PSMA6: variants seen among roughly 807,000 people sequenced by gnomAD.
The protein encoded by PSMA6 is proteasome 20S subunit alpha 6.
For missense variants in PSMA6, 170 were observed against 294.8 expected (o/e 0.58, Z 3.10); for synonymous variants, 88 against 97.7 (o/e 0.90, Z 0.59).
chr14:35,286,047 A>G (rs1308995546), intron 1 of PSMA6, among the ~76,000 whole-genome samples: 1 of 152,218 alleles, frequency 6.6e-6, no homozygotes, highest in African/African-American at 2.4e-5. Context: ...CCTTTCACAA[A>G]GAAGCTGAGT....
intron 1 of PSMA6, among the ~76,000 whole-genome samples, chr14:35,297,190 C>A (rs1245030681): frequency 7.6e-6 from 1 of 131,198 alleles, no homozygotes; most frequent in Non-Finnish European, 1.6e-5. Flanking sequence ...TTTCTTTGTC[C>A]CAGTAGAACA....
upstream of PSMA6, chr14:35,292,321 G>T (rs1003972442): frequency 2.0e-6 from 3 of 1,466,006 alleles, no homozygotes; most frequent in African/African-American, 1.4e-5. Flanking sequence ...CTCAGTGCTC[G>T]AACTGGCTCC....
At chr14:35,290,474 T>C (rs1047077999), upstream of PSMA6, among the ~76,000 whole-genome samples, 7 of 152,332 alleles carry the variant, frequency 4.6e-5, no homozygotes, top group African/African-American at 9.6e-5. Flanking sequence ...GCTGTATGCA[T>C]TTACCGTTTT....
At chr14:35,307,831 G>A (rs2051859446) in intron 1 of PSMA6, among the ~76,000 whole-genome samples, 163 bp from the exon 2 acceptor site, 2 of 152,182 alleles carry the variant, frequency 1.3e-5, no homozygotes, top group Admixed American at 1.3e-4. Context: ...GTTTAACTGT[G>A]ACTTGTGGTC....
intron 1 of PSMA6, chr14:35,293,066 C>T (rs1165036114): frequency 2.2e-6 from 1 of 454,500 alleles, no homozygotes; most frequent in East Asian, 7.0e-5. Context: ...TACTGAAGCT[C>T]ACAGCTTAGA....
At chr14:35,299,059 CT>C (rs1233465363) in intron 1 of PSMA6, among the ~76,000 whole-genome samples, 1 of 151,760 alleles carries the variant, frequency 6.6e-6, no homozygotes, top group Admixed American at 6.6e-5. Context: ...CAGGGTCTCA[CT>C]CTGTCGCCCA....
At chr14:35,296,878 A>C (rs767961386) in intron 1 of PSMA6, among the ~76,000 whole-genome samples, 3 of 152,166 alleles carry the variant, frequency 2.0e-5, no homozygotes, top group Non-Finnish European at 4.4e-5. Context: ...ACATAAATAC[A>C]TATATAACTA....
chr14:35,278,766 A>G, intron 1 of PSMA6: 1 of 1,519,460 alleles, frequency 6.6e-7, no homozygotes, highest in Non-Finnish European at 8.8e-7. Context: ...TATATTACTG[A>G]TTCTTTGAAA....
intron 1 of PSMA6, among the ~76,000 whole-genome samples, chr14:35,307,592 G>C (rs1356586521): frequency 6.6e-6 from 1 of 152,116 alleles, no homozygotes; most frequent in Non-Finnish European, 1.5e-5. Context: ...ATATTAGCCA[G>C]ATGTGGTGGC....
intron 4 of PSMA6, among the ~76,000 whole-genome samples, chr14:35,312,498 G>A (rs2051962870): frequency 8.5e-6 from 1 of 118,206 alleles, no homozygotes; most frequent in Non-Finnish European, 1.6e-5. Flanking sequence ...CAGAGCGAGA[G>A]TCTGTCTCAA....
chr14:35,299,346 G>T (rs2051664822), intron 1 of PSMA6, among the ~76,000 whole-genome samples: 1 of 2,558 alleles, frequency 3.9e-4, no homozygotes. Flanking sequence ...TTTTTGAGAT[G>T]GAGTCTCACC....
intron 1 of PSMA6, among the ~76,000 whole-genome samples, chr14:35,298,830 T>A (rs1318455750): frequency 6.6e-6 from 1 of 150,834 alleles, no homozygotes; most frequent in East Asian, 2.0e-4. Flanking sequence ...GCCTCCCAGG[T>A]TAACTCAATT....
rs1430620554 is a variant in PSMA6, at chr14:35,314,351, T to G, written c.589-10T>G. The stretch of plus-strand genomic sequence containing the variant: ...AATACTATATTTTAACATTAAATAC[T>G]TTTTTTCAGACTGCAATTACATGCC... On this transcript the variant is annotated splice_polypyrimidine_tract_variant and intron_variant, in intron 5 of 6. Coordinates refer to ENST00000261479, the MANE Select transcript of PSMA6 (RefSeq NM_002791.3). The G allele has an allele frequency of 1.9e-6, 3 of 1,594,024 alleles. No individual in the cohort carries two copies. The South Asian group carries it at 3.4e-5, about 18-fold the overall frequency.
chr14:35,280,568 G>C (rs2051356061), intron 1 of PSMA6, among the ~76,000 whole-genome samples: 2 of 150,662 alleles, frequency 1.3e-5, no homozygotes, highest in African/African-American at 4.9e-5. Flanking sequence ...GTTTAGTAGA[G>C]ACAGGGTTTC....
At chr14:35,279,415 T>G (rs1478324651) in intron 1 of PSMA6, among the ~76,000 whole-genome samples, 1 of 152,222 alleles carries the variant, frequency 6.6e-6, no homozygotes, top group African/African-American at 2.4e-5. Flanking sequence ...ACAGCATTGC[T>G]GGACACCATA....
At chr14:35,297,790 T>TG (rs765072727) in intron 1 of PSMA6, among the ~76,000 whole-genome samples, 2 of 152,240 alleles carry the variant, frequency 1.3e-5, no homozygotes, top group African/African-American at 2.4e-5. Context: ...GCCATTGTCT[T>TG]GCATCGTGTG....
intron 1 of PSMA6, among the ~76,000 whole-genome samples, chr14:35,305,592 C>G (rs568814157): frequency 6.6e-6 from 1 of 152,330 alleles, no homozygotes; most frequent in African/African-American, 2.4e-5. Flanking sequence ...CTTAGCTGGT[C>G]GTCATCACCT....
chr14:35,306,600 A>C (rs1350844361), intron 1 of PSMA6, among the ~76,000 whole-genome samples: 1 of 151,936 alleles, frequency 6.6e-6, no homozygotes, highest in African/African-American at 2.4e-5. Context: ...ACTACTCAGG[A>C]CGAGGCCGAG....
chr14:35,302,587 A>G (rs1240359965), intron 1 of PSMA6, among the ~76,000 whole-genome samples: 1 of 151,734 alleles, frequency 6.6e-6, no homozygotes, highest in Non-Finnish European at 1.5e-5. Context: ...TATTTTTAAC[A>G]TTTTTAGCCA....
Sources: gnomAD v4.1 joint callset for allele counts (sites outside exome capture counted in the v4.1 genomes callset) on GRCh38, gnomAD v4.1.1 for gene constraint, MANE v1.5 for transcripts, NCBI Gene and HGNC (gene_info 2026-07-23, HGNC 2026-07-21) for gene names.